Variants in LRMDA observed in about 807,000 individuals in gnomAD.
The protein encoded by LRMDA is leucine-rich melanocyte differentiation-associated protein.
LRMDA carries 18 observed loss-of-function variants against 29.8 expected under a neutral mutation model. The observed-to-expected ratio is 0.60, with a 90% CI of 0.42 to 0.90. LRMDA has a LOEUF of 0.90. Among genes scored for constraint, LRMDA ranks in the 40% least tolerant of loss-of-function variants. The pLI is 0.00. For synonymous variants in LRMDA, 125 were observed against 109.4 expected (o/e 1.14, Z -0.89); for missense variants, 273 against 273.9 (o/e 1.00, Z 0.02).
chr10:76,369,009 T>C (rs1841423643), intron 6 of LRMDA, among the ~76,000 whole-genome samples: 1 of 152,172 alleles, frequency 6.6e-6, no homozygotes, highest in Non-Finnish European at 1.5e-5. Context: ...GTTGGGTGAG[T>C]CTCCTGAAGG....
intron 5 of LRMDA, chr10:76,241,878 G>C (rs1852283687): frequency 6.6e-6 from 1 of 152,222 alleles, no homozygotes; most frequent in African/African-American, 2.4e-5. Flanking sequence ...TATCTGTAAA[G>C]TGAGAATAAG....
At chr10:75,760,554 T>C (rs903202011) in intron 2 of LRMDA, among the ~76,000 whole-genome samples, 2 of 152,142 alleles carry the variant, frequency 1.3e-5, no homozygotes, top group African/African-American at 4.8e-5. Context: ...GATATTCGAA[T>C]AGTGGCAGAA....
intron 6 of LRMDA, among the ~76,000 whole-genome samples, chr10:76,512,708 A>T (rs1202412079): frequency 6.6e-6 from 1 of 152,156 alleles, no homozygotes; most frequent in African/African-American, 2.4e-5. Flanking sequence ...CCAAAGAAAA[A>T]ATAGTGACCC....
intron 5 of LRMDA, among the ~76,000 whole-genome samples, chr10:76,212,739 C>G (rs1589378553): frequency 6.6e-6 from 1 of 152,290 alleles, no homozygotes; most frequent in South Asian, 2.1e-4. Flanking sequence ...GTGGGGACCA[C>G]TAAGAATCTT....
intron 2 of LRMDA, among the ~76,000 whole-genome samples, chr10:75,960,809 G>A (rs1846751353): frequency 6.6e-6 from 1 of 152,034 alleles, no homozygotes; most frequent in South Asian, 2.1e-4. Flanking sequence ...TAGAGACTGG[G>A]TTTCACCGTG....
At chr10:76,365,107 T>TATACACAC (rs141131236) in intron 6 of LRMDA, among the ~76,000 whole-genome samples, 2,124 of 61,266 alleles carry the variant, frequency 0.035, 133 homozygotes, top group African/African-American at 0.088. Context: ...TATATATATA[T>TATACACAC]ACACACACAC....
At chr10:76,032,662 C>T (rs1344553006) in intron 2 of LRMDA, among the ~76,000 whole-genome samples, 2 of 152,094 alleles carry the variant, frequency 1.3e-5, no homozygotes, top group African/African-American at 2.4e-5. Context: ...ATCCTGGCTG[C>T]GTTGCTGCTG....
At chr10:75,690,691 C>T (rs912834406) in intron 2 of LRMDA, among the ~76,000 whole-genome samples, 1 of 151,878 alleles carries the variant, frequency 6.6e-6, no homozygotes, top group African/African-American at 2.4e-5. Context: ...AACATGGTGG[C>T]TCATGCCTGT....
At chr10:76,030,523 A>T (rs900302184) in intron 2 of LRMDA, among the ~76,000 whole-genome samples, 5 of 152,196 alleles carry the variant, frequency 3.3e-5, no homozygotes, top group African/African-American at 1.2e-4. Flanking sequence ...TAGGTATAAA[A>T]ATGTCACCCA....
chr10:75,485,547 C>T (rs569302340), intron 2 of LRMDA, among the ~76,000 whole-genome samples: 1 of 152,132 alleles, frequency 6.6e-6, no homozygotes, highest in Admixed American at 6.5e-5. Flanking sequence ...CAGGTGTGTG[C>T]CACCATGCCC....
chr10:76,221,635 A>G (rs1302378630), intron 5 of LRMDA, among the ~76,000 whole-genome samples: 2 of 152,254 alleles, frequency 1.3e-5, no homozygotes, highest in Non-Finnish European at 2.9e-5. Flanking sequence ...AAACAAATGG[A>G]AGAGCATTCC....
intron 6 of LRMDA, among the ~76,000 whole-genome samples, chr10:76,424,852 G>A (rs1352597586): frequency 6.6e-6 from 1 of 152,178 alleles, no homozygotes; most frequent in Non-Finnish European, 1.5e-5. Context: ...TCTCCAACCT[G>A]TACAGAGAGA....
In LRMDA at chr10:75,699,874, G is replaced by C. The variant is rs79770921; in HGVS notation, c.131+261380G>C. On this transcript the variant is annotated intron_variant, in intron 2 of 6. Coordinates refer to ENST00000611255, the MANE Select transcript of LRMDA (RefSeq NM_001305581.2). ...CCAGGGTCCTCCTAATGGTGAGGCA[G>C]AGGGAAATTTGGTACAGACAGAAGA... is the stretch of plus-strand genomic sequence containing the variant. 4.6e-5 allele frequency among the ~76,000 whole-genome samples: 7 copies of C among 152,352 alleles called. No homozygotes were observed. The East Asian group carries it at 1.3e-3, about 29-fold the overall frequency.
intron 2 of LRMDA, among the ~76,000 whole-genome samples, chr10:75,790,619 G>A (rs192305848): frequency 6.6e-6 from 1 of 152,266 alleles, no homozygotes; most frequent in African/African-American, 2.4e-5. Context: ...ACCAAGCTCG[G>A]CCTTCACTTT....
At chr10:76,550,126 C>T (rs1374196051) in intron 6 of LRMDA, among the ~76,000 whole-genome samples, 1 of 152,094 alleles carries the variant, frequency 6.6e-6, no homozygotes, top group Non-Finnish European at 1.5e-5. Flanking sequence ...TGAAAATAAA[C>T]TCAATAAAAT....
chr10:76,109,368 A>G (rs1197649731), intron 5 of LRMDA, among the ~76,000 whole-genome samples: 1 of 152,218 alleles, frequency 6.6e-6, no homozygotes, highest in East Asian at 1.9e-4. Flanking sequence ...AAATCAATCA[A>G]GTCTTCCCCC....
intron 5 of LRMDA, among the ~76,000 whole-genome samples, chr10:76,162,571 T>TAGTGG (rs1054227709): frequency 2.6e-5 from 4 of 152,054 alleles, no homozygotes; most frequent in African/African-American, 9.7e-5. Flanking sequence ...AGCAGGTGGA[T>TAGTGG]AGTGGGAGCA....
chr10:76,392,286 A>G (rs1363408907), intron 6 of LRMDA, among the ~76,000 whole-genome samples: 2 of 152,152 alleles, frequency 1.3e-5, no homozygotes, highest in Non-Finnish European at 2.9e-5. Flanking sequence ...AACTTGTTCT[A>G]TCTGCTGGCT....
chr10:76,274,753 T>C (rs1220143201), intron 5 of LRMDA, among the ~76,000 whole-genome samples: 2 of 152,172 alleles, frequency 1.3e-5, no homozygotes, highest in South Asian at 2.1e-4. Context: ...TGTGTTTTGA[T>C]ATTGGAGCGG....
Sources: gnomAD v4.1 joint callset for allele counts (sites outside exome capture counted in the v4.1 genomes callset) on GRCh38, gnomAD v4.1.1 for gene constraint, MANE v1.5 for transcripts, NCBI Gene and HGNC (gene_info 2026-07-23, HGNC 2026-07-21) for gene names.